Variants in DMD observed in about 807,000 individuals in gnomAD.
DMD encodes dystrophin, also known as mutant dystrophin.
Under a neutral mutation model 330.1 loss-of-function variants are expected in DMD, and 63 were observed. That is an observed-to-expected ratio of 0.19 (90% confidence interval 0.16 to 0.24). The LOEUF (loss-of-function observed/expected upper bound fraction) is 0.24, where lower values mean the gene tolerates loss of function less well. DMD is among the 10% of genes least tolerant of loss of function. The pLI is 1.00. For missense variants in DMD, 3,344 were observed against 2,684.1 expected, an observed-to-expected ratio of 1.25 and a Z score of -5.43; for synonymous variants, 1,223 against 959.8, an observed-to-expected ratio of 1.27 and a Z score of -5.07.
chrX:33,107,033 G>A (rs1477329364), intron 1 of DMD, among the ~76,000 whole-genome samples: 1 of 111,509 alleles, frequency 9.0e-6, no homozygotes, highest in East Asian at 2.8e-4. Flanking sequence ...GTTTAAGGCC[G>A]GGTGCAGTGA....
chrX:32,613,557 C>T (rs115896199), intron 12 of DMD, among the ~76,000 whole-genome samples: 1,642 of 110,200 alleles, frequency 0.015, 34 homozygotes, highest in African/African-American at 0.052. Context: ...AAAAGCAATG[C>T]TTCAGACTCT....
rs116283249 is a variant in DMD at position 31,478,276 on chromosome X, C to A, written c.8767G>T (p.Ala2923Ser). Reference sequence around the variant, plus strand: ...TCATCTATTTTTCTCTGCCAGTCAGCGGAGTGCAGGTTCAATTTTTCCCAC... The same window carrying A: ...TCATCTATTTTTCTCTGCCAGTCAGAGGAGTGCAGGTTCAATTTTTCCCAC... The part of the protein sequence containing the change: ...TEWEKLNLHS[A>S]DWQRKIDETL... Residue 2923 changes from alanine to serine, a missense_variant, in exon 59 of 79, where the codon GCT (alanine) becomes TCT (serine). Ala to Ser is a moderately conservative substitution (Grantham distance 99, BLOSUM62 1). Coordinates refer to ENST00000357033, the MANE Select transcript of DMD (RefSeq NM_004006.3). The A allele has an allele frequency of 9.0e-5, 109 of 1,209,271 alleles. No individual in the cohort carries two copies. In the African/African-American group the frequency reaches 1.7e-3, roughly 18 times the overall value.
At chrX:32,188,458 GT>G (rs1357158310) in intron 44 of DMD, among the ~76,000 whole-genome samples, 1 of 101,203 alleles carries the variant, frequency 9.9e-6, no homozygotes, top group Non-Finnish European at 2.0e-5. Context: ...CTAGTAGGGC[GT>G]TTTTTTGGTC....
intron 43 of DMD, among the ~76,000 whole-genome samples, chrX:32,226,107 C>T: frequency 9.0e-6 from 1 of 111,631 alleles, no homozygotes; most frequent in Non-Finnish European, 1.9e-5. Context: ...CGTGGCCTTT[C>T]TTGAAAACTC....
chrX:32,625,344 G>A, intron 11 of DMD, among the ~76,000 whole-genome samples: 1 of 111,352 alleles, frequency 9.0e-6, no homozygotes, highest in East Asian at 2.8e-4. Flanking sequence ...GTAAGGCTCA[G>A]AAACTGAATT....
At chrX:31,328,270 C>T (rs1166791137) in intron 61 of DMD, among the ~76,000 whole-genome samples, 11 of 111,972 alleles carry the variant, frequency 9.8e-5, no homozygotes, top group African/African-American at 3.6e-4. Context: ...TGATTAAAGG[C>T]TATGAATGTT....
intron 43 of DMD, among the ~76,000 whole-genome samples, chrX:32,227,847 T>C (rs996621428): frequency 9.0e-6 from 1 of 111,549 alleles, no homozygotes; most frequent in Non-Finnish European, 1.9e-5. Context: ...TAAACTTTGC[T>C]GGACTCTTAT....
intron 2 of DMD, among the ~76,000 whole-genome samples, chrX:32,891,208 T>C (rs2085167426): frequency 2.7e-5 from 3 of 111,987 alleles, no homozygotes; most frequent in Non-Finnish European, 5.6e-5. Context: ...CTTCCACATC[T>C]GAGTTTTGCG....
intron 2 of DMD, among the ~76,000 whole-genome samples, chrX:32,870,958 C>CA (rs745583714): frequency 0.019 from 274 of 14,758 alleles, 17 homozygotes; most frequent in Non-Finnish European, 0.021. Flanking sequence ...TTCTGTACAG[C>CA]AAAAAAAAAA....
At chrX:32,395,277 T>C (rs1350533679) in intron 30 of DMD, among the ~76,000 whole-genome samples, 1 of 111,966 alleles carries the variant, frequency 8.9e-6, no homozygotes, top group Admixed American at 9.5e-5. Context: ...TACTACTCAA[T>C]TCCACACAGT....
At chrX:32,198,096 A>C (rs2097015219) in intron 44 of DMD, among the ~76,000 whole-genome samples, 1 of 111,826 alleles carries the variant, frequency 8.9e-6, no homozygotes, top group African/African-American at 3.3e-5. Context: ...CTTTAGCATG[A>C]AAGGGGATGT....
At chrX:33,219,297 T>C (rs1439740792) in intron 1 of DMD, among the ~76,000 whole-genome samples, 1 of 96,038 alleles carries the variant, frequency 1.0e-5, no homozygotes, top group Non-Finnish European at 2.1e-5. Flanking sequence ...GTTGATACTT[T>C]AGAGATTATT....
At chrX:33,070,667 CTCTCTCTATA>C (rs1457856711) in intron 1 of DMD, among the ~76,000 whole-genome samples, 77 of 46,088 alleles carry the variant, frequency 1.7e-3, no homozygotes, top group African/African-American at 5.9e-3. Context: ...CTCTCTCTCT[CTCTCTCTATA>C]TATATATATA....
intron 3 of DMD, among the ~76,000 whole-genome samples, chrX:32,849,180 T>C (rs1284455185): frequency 1.8e-5 from 2 of 110,351 alleles, no homozygotes; most frequent in Non-Finnish European, 3.8e-5. Context: ...TTGAGTTCTT[T>C]CCCCCCCCAG....
intron 62 of DMD, among the ~76,000 whole-genome samples, chrX:31,277,523 T>A (rs2052240571): frequency 9.0e-6 from 1 of 111,063 alleles, no homozygotes; most frequent in Non-Finnish European, 1.9e-5. Context: ...TGACTTAGAT[T>A]GAATAAACAG....
chrX:31,601,318 T>C (rs1363802986), intron 55 of DMD, among the ~76,000 whole-genome samples: 1 of 112,189 alleles, frequency 8.9e-6, no homozygotes, highest in East Asian at 2.8e-4. Flanking sequence ...GTTTTTAATA[T>C]ATTAACAGCA....
intron 2 of DMD, among the ~76,000 whole-genome samples, chrX:32,987,223 G>A (rs1387556983): frequency 8.9e-6 from 1 of 112,140 alleles, no homozygotes; most frequent in Non-Finnish European, 1.9e-5. Context: ...TAGCAGGACT[G>A]TGACATCAAC....
At chrX:31,980,985 T>C (rs750659600) in intron 44 of DMD, among the ~76,000 whole-genome samples, 2 of 112,092 alleles carry the variant, frequency 1.8e-5, no homozygotes, top group East Asian at 5.6e-4. Flanking sequence ...ACAGTACATA[T>C]GGACCCTTCT....
At chrX:32,766,199 ATTT>A (rs780072254) in intron 7 of DMD, among the ~76,000 whole-genome samples, 3 of 111,169 alleles carry the variant, frequency 2.7e-5, no homozygotes, top group Admixed American at 9.6e-5. Context: ...TTACATGGGA[ATTT>A]TTGATAGAGT....
Sources: allele counts gnomAD v4.1 joint callset (sites outside exome capture counted in the v4.1 genomes callset), GRCh38; gene constraint gnomAD v4.1.1; transcripts MANE v1.5; gene names NCBI Gene and HGNC (gene_info 2026-07-23, HGNC 2026-07-21).